The following MFAP5 variants were observed in gnomAD, a reference collection of about 807,000 sequenced individuals.
The protein encoded by MFAP5 is microfibril associated protein 5, also known as microfibrillar-associated protein 5.
Under a neutral mutation model 30.1 loss-of-function variants are expected in MFAP5, and 19 were observed. The ratio of observed to expected loss-of-function variants is 0.63; its 90% confidence interval spans 0.44 to 0.93. The LOEUF (loss-of-function observed/expected upper bound fraction) is 0.93. MFAP5 is among the 40% of genes least tolerant of loss of function. The pLI is 0.00. For missense variants in MFAP5, 210 were observed against 221.3 expected (o/e 0.95, Z 0.32); for synonymous variants, 92 against 72.9 (o/e 1.26, Z -1.33).
chr12:8,656,705 C>T (rs1335366032), intron 3 of MFAP5, among the ~76,000 whole-genome samples: 1 of 145,736 alleles, frequency 6.9e-6, no homozygotes, highest in Non-Finnish European at 1.5e-5. Context: ...CTCTGTCTGT[C>T]GCCCAGGCTG....
At position 8,655,757 on chromosome 12, in the gene MFAP5, A is replaced by G. The variant is rs73244411; in HGVS notation, c.139+29T>C. On this transcript the variant is annotated intron_variant, in intron 4 of 9. Transcript: ENST00000359478. ...TTATCTATCCCCAATAAAACAGCAA[A>G]CAAACAAACAAACAAAAGTGTAGCT... is the stretch of plus-strand genomic sequence containing the variant. 5,135 of 1,596,166 alleles carry G rather than the reference A, an allele frequency of 3.2e-3. 86 individuals carry two copies. In the African/African-American group the frequency reaches 0.043, roughly 13 times the overall value.
intron 6 of MFAP5, among the ~76,000 whole-genome samples, chr12:8,652,710 C>T (rs1271873751): frequency 2.0e-5 from 3 of 152,140 alleles, no homozygotes; most frequent in African/African-American, 7.2e-5. Context: ...GTATTTCCAA[C>T]CTCATCTCTC....
At chr12:8,648,573 G>C (rs1455746859) in intron 9 of MFAP5, 1 of 1,253,754 alleles carries the variant, frequency 8.0e-7, no homozygotes, top group African/African-American at 1.5e-5. Context: ...ATAGAAAAAT[G>C]AGATCCAATC....
intron 9 of MFAP5, 58 bp from the exon 10 acceptor site, chr12:8,648,261 T>A: frequency 7.1e-7 from 1 of 1,410,770 alleles, no homozygotes; most frequent in Admixed American, 1.8e-5. Context: ...AAGGCTCTTG[T>A]TTTAAGGGAT....
At chr12:8,653,948 A>C (rs1370982496) in intron 6 of MFAP5, among the ~76,000 whole-genome samples, 1 of 152,144 alleles carries the variant, frequency 6.6e-6, no homozygotes, top group East Asian at 1.9e-4. Context: ...AACGTGGCGA[A>C]ACCCCATCTC....
chr12:8,652,853 C>T (rs1941874378), intron 6 of MFAP5, among the ~76,000 whole-genome samples: 1 of 152,188 alleles, frequency 6.6e-6, no homozygotes, highest in African/African-American at 2.4e-5. Flanking sequence ...AGTTGTTATA[C>T]AGTGAATGAG....
intron 6 of MFAP5, among the ~76,000 whole-genome samples, chr12:8,653,349 G>A (rs768838445): frequency 3.8e-4 from 58 of 152,174 alleles, no homozygotes; most frequent in Middle Eastern, 3.4e-3. Flanking sequence ...CTGGTTTTCC[G>A]GGTTCCAGGC....
intron 5 of MFAP5, among the ~76,000 whole-genome samples, chr12:8,655,151 G>A (rs1941947044): frequency 6.6e-6 from 1 of 151,930 alleles, no homozygotes; most frequent in Non-Finnish European, 1.5e-5. Flanking sequence ...GGTGTCGGGT[G>A]CCTATAATCT....
At chr12:8,654,152 T>G in intron 6 of MFAP5, 3 of 287,386 alleles carry the variant, frequency 1.0e-5, no homozygotes, top group East Asian at 5.7e-5. Context: ...AAAAATTCAG[T>G]CAAAGCATTA....
chr12:8,656,162 A>G (rs572353395), intron 3 of MFAP5, among the ~76,000 whole-genome samples: 310 of 147,050 alleles, frequency 2.1e-3, no homozygotes, highest in Middle Eastern at 7.0e-3. Context: ...CCGGGTTCAC[A>G]TCATTCTCCT....
chr12:8,655,129 T>C (rs1941946293), intron 5 of MFAP5, among the ~76,000 whole-genome samples: 1 of 150,814 alleles, frequency 6.6e-6, no homozygotes, highest in African/African-American at 2.4e-5. Flanking sequence ...AATACAAAAA[T>C]TAGTCAGGCA....
At position 8,647,881 on chromosome 12, in the gene MFAP5, A is replaced by G; in HGVS notation, c.*210T>C. The G allele has an allele frequency of 2.5e-6, 1 of 407,332 alleles. No individual in the cohort carries two copies. The highest frequency in any genetic ancestry group is 4.5e-6 in the Non-Finnish European group (1 of 222,128). The allele number at this position is 407,332 out of a possible 1,614,324, so 25.2% of individuals were successfully genotyped here. A position where few individuals can be genotyped will look rare whatever the true frequency, so the allele number is the denominator to read the frequency against. On this transcript the variant is annotated 3_prime_UTR_variant, in exon 10 of 10. Coordinates refer to ENST00000359478, the MANE Select transcript of MFAP5 (RefSeq NM_003480.4). ...TATTGAGAAGCAGCAAAATTATGCA[A>G]TAATATAGACTTTGTATTTTAAGTG... is the stretch of plus-strand genomic sequence containing the variant.
chr12:8,650,660 T>G, intron 7 of MFAP5, 71 bp from the exon 8 acceptor site: 4 of 1,248,018 alleles, frequency 3.2e-6, no homozygotes, highest in Non-Finnish European at 4.7e-6. Context: ...TTGAAGGAAT[T>G]GGGAAGGATA....
intron 3 of MFAP5, among the ~76,000 whole-genome samples, chr12:8,659,316 A>T (rs1043482692): frequency 1.3e-5 from 2 of 151,794 alleles, no homozygotes; most frequent in African/African-American, 2.4e-5. Flanking sequence ...CTCGAAAAAA[A>T]AAAAAAATAA....
intron 7 of MFAP5, 43 bp downstream of exon 7, chr12:8,651,619 G>A (rs1941840839): frequency 1.3e-6 from 2 of 1,598,828 alleles, no homozygotes; most frequent in African/African-American, 2.7e-5. Flanking sequence ...GAATCCACAG[G>A]AAGAAAAAAA....
rs1941773281 is a variant in MFAP5, at chr12:8,649,519, C to T, written c.391G>A (p.Glu131Lys). 5 of 1,613,890 alleles carry T rather than the reference C, an allele frequency of 3.1e-6. No homozygotes were observed. The highest frequency in any genetic ancestry group is 1.7e-5 in the Admixed American group (1 of 59,992). Residue 131 changes from glutamate (E) to lysine (K), a missense_variant, in exon 9 of 10, where the codon GAA (glutamate) becomes AAA (lysine). By Grantham distance (56) the Glu-to-Lys change is moderately conservative. Transcript: ENST00000359478. ...ATCTTACCTTTCATAGCTTCGTGTTCCTTACAGACAAGACGAGAGCAGATC... is the reference window on the plus strand; with the variant it reads ...ATCTTACCTTTCATAGCTTCGTGTTTCTTACAGACAAGACGAGAGCAGATC... ...KEICSRLVCK[E>K]HEAMKDELCR... is the part of the protein sequence containing the mutation.
chr12:8,661,794 A>G (rs1050847534), intron 2 of MFAP5, among the ~76,000 whole-genome samples: 2 of 152,088 alleles, frequency 1.3e-5, no homozygotes, highest in Admixed American at 1.3e-4. Flanking sequence ...GGTGGTTAAT[A>G]TGCATTTGTG....
At chr12:8,657,627 T>C (rs1459272415) in intron 3 of MFAP5, among the ~76,000 whole-genome samples, 1 of 145,710 alleles carries the variant, frequency 6.9e-6, no homozygotes, top group Non-Finnish European at 1.5e-5. Context: ...TGGAGTGCAG[T>C]GGCGGCATGA....
intron 9 of MFAP5, 199 bp from the exon 10 acceptor site, chr12:8,648,402 A>G: frequency 1.1e-6 from 1 of 943,070 alleles, no homozygotes; most frequent in Non-Finnish European, 1.5e-6. Context: ...AAACCTCACT[A>G]TCCCTTTCTG....
Sources: allele counts gnomAD v4.1 joint callset (sites outside exome capture counted in the v4.1 genomes callset), GRCh38; gene constraint gnomAD v4.1.1; transcripts MANE v1.5; gene names NCBI Gene and HGNC (gene_info 2026-07-23, HGNC 2026-07-21).